LINGO1: variants seen among roughly 807,000 people sequenced by gnomAD.
The protein encoded by LINGO1 is leucine rich repeat and Ig domain containing 1, also known as leucine-rich repeat and immunoglobulin-like domain-containing nogo receptor-interacting protein 1.
In LINGO1, 11 loss-of-function variants were observed where a neutral mutation model predicts 37.3. That is an observed-to-expected ratio of 0.29 (90% CI 0.19 to 0.49). LINGO1 has a LOEUF of 0.49. Ranked by LOEUF, LINGO1 falls within the 20% of genes least tolerant of loss-of-function variation. The pLI is 0.99. For synonymous variants in LINGO1, 387 were observed against 403.0 expected (o/e 0.96, Z 0.48); for missense variants, 585 against 878.2 (o/e 0.67, Z 4.22).
intron 1 of LINGO1, among the ~76,000 whole-genome samples, chr15:77,621,534 C>T (rs1053919435): frequency 6.6e-6 from 1 of 152,178 alleles, no homozygotes; most frequent in Non-Finnish European, 1.5e-5. Flanking sequence ...CCAAGAGCTG[C>T]CTGGTGCGAC....
intron 1 of LINGO1, among the ~76,000 whole-genome samples, chr15:77,631,674 G>C (rs2074257967): frequency 6.6e-6 from 1 of 152,242 alleles, no homozygotes; most frequent in Non-Finnish European, 1.5e-5. Context: ...GGCAAGAGGA[G>C]GTGAGAAGCC....
upstream of LINGO1, among the ~76,000 whole-genome samples, chr15:77,638,635 C>T (rs936606091): frequency 2.6e-5 from 4 of 152,162 alleles, no homozygotes; most frequent in African/African-American, 7.2e-5. Context: ...TAACTTAAGT[C>T]GGAGCCTGTT....
chr15:77,738,410 C>A (rs146176961), intron 1 of LINGO1, among the ~76,000 whole-genome samples: 1 of 152,284 alleles, frequency 6.6e-6, no homozygotes, highest in African/African-American at 2.4e-5. Context: ...CCTTCCCACA[C>A]GGGCCAGTCT....
intron 1 of LINGO1, among the ~76,000 whole-genome samples, chr15:77,750,611 C>T (rs2076361627): frequency 6.6e-6 from 1 of 152,230 alleles, no homozygotes; most frequent in South Asian, 2.1e-4. Flanking sequence ...CACCCAACCC[C>T]TTCCAGAAGA....
intron 1 of LINGO1, among the ~76,000 whole-genome samples, chr15:77,801,780 G>A (rs1265569886): frequency 6.6e-6 from 1 of 152,158 alleles, no homozygotes; most frequent in Non-Finnish European, 1.5e-5. Context: ...AGCTCAGCTG[G>A]AGACTGTGGA....
At chr15:77,726,126 G>T (rs1201120224) in intron 2 of LINGO1, among the ~76,000 whole-genome samples, 1 of 152,218 alleles carries the variant, frequency 6.6e-6, no homozygotes, top group Non-Finnish European at 1.5e-5. Flanking sequence ...GCCCTAAGCT[G>T]CCCCACTGAG....
At chr15:77,634,309 C>T (rs1256899843), upstream of LINGO1, 1 of 456,110 alleles carries the variant, frequency 2.2e-6, no homozygotes, top group African/African-American at 2.0e-5. Context: ...CTGGGTACTT[C>T]TCAGTCTCTC....
In LINGO1 at chr15:77,799,725, C is replaced by T. The variant is rs561846202; in HGVS notation, c.-457-3672G>A. Among the ~76,000 whole-genome samples the T allele has an allele frequency of 1.1e-4, 16 of 152,300 alleles. No individual in the cohort carries two copies. The South Asian group carries it at 3.1e-3, about 30-fold the overall frequency. On this transcript the variant is annotated intron_variant, in intron 1 of 5. Coordinates refer to the LINGO1 transcript ENST00000562933. ...TGAGCCCTGCTGGCCACCATTCTGA[C>T]GGAAGGAACACAAGTCCCTATCTCT...
At chr15:77,809,765 C>A (rs2076988204) in intron 1 of LINGO1, among the ~76,000 whole-genome samples, 1 of 152,214 alleles carries the variant, frequency 6.6e-6, no homozygotes, top group Non-Finnish European at 1.5e-5. Context: ...CAGAGGACGC[C>A]CAGCCCCTGC....
chr15:77,705,206 C>CACACACACACACACACACACACA (rs57434698), intron 2 of LINGO1, among the ~76,000 whole-genome samples: 28 of 149,070 alleles, frequency 1.9e-4, no homozygotes, highest in East Asian at 3.9e-4. Context: ...CACACACACA[C>CACACACACACACACACACACACA]CAGTCCACTT....
intron 2 of LINGO1, among the ~76,000 whole-genome samples, chr15:77,678,336 TC>T (rs1462734875): frequency 2.6e-5 from 4 of 152,124 alleles, no homozygotes; most frequent in Non-Finnish European, 4.4e-5. Flanking sequence ...TGTAGTCAAC[TC>T]CTCCCAGCCC....
At chr15:77,799,795 GTT>G (rs1165048611) in intron 1 of LINGO1, among the ~76,000 whole-genome samples, 1 of 147,690 alleles carries the variant, frequency 6.8e-6, no homozygotes, top group African/African-American at 2.6e-5. Flanking sequence ...GGTGGGTTTT[GTT>G]TTGTTTTCTT....
chr15:77,715,219 G>A (rs1031388615), intron 2 of LINGO1, among the ~76,000 whole-genome samples: 2 of 152,180 alleles, frequency 1.3e-5, no homozygotes, highest in African/African-American at 4.8e-5. Context: ...ACATCCATGG[G>A]GCGCTAGGAG....
intron 1 of LINGO1, among the ~76,000 whole-genome samples, chr15:77,785,641 A>G (rs1187944209): frequency 6.6e-6 from 1 of 152,014 alleles, no homozygotes; most frequent in African/African-American, 2.4e-5. Flanking sequence ...GCTCTCAGAC[A>G]GCTCATGCCC....
intron 2 of LINGO1, chr15:77,707,267 G>A: frequency 6.6e-6 from 1 of 152,234 alleles, no homozygotes; most frequent in Admixed American, 6.5e-5. Context: ...CCCACATTAG[G>A]CAGAGAGGAG....
intron 3 of LINGO1, among the ~76,000 whole-genome samples, chr15:77,675,707 T>C (rs1336308667): frequency 1.3e-5 from 2 of 152,024 alleles, no homozygotes; most frequent in Non-Finnish European, 2.9e-5. Context: ...GATGAATAGA[T>C]AGATAGATAC....
At chr15:77,791,435 T>G (rs77711659), upstream of LINGO1, among the ~76,000 whole-genome samples, 567 of 152,044 alleles carry the variant, frequency 3.7e-3, 17 homozygotes, top group East Asian at 0.048. Context: ...TGCTGGTGGT[T>G]AAGAAAGCAT....
chr15:77,619,475 A>T (rs1304249501), intron 1 of LINGO1, among the ~76,000 whole-genome samples: 1 of 152,110 alleles, frequency 6.6e-6, no homozygotes, highest in Non-Finnish European at 1.5e-5. Flanking sequence ...ACCTGAAGCC[A>T]GGAGCTCAAG....
chr15:77,726,294 A>G (rs1354846552), intron 2 of LINGO1, among the ~76,000 whole-genome samples: 1 of 152,202 alleles, frequency 6.6e-6, no homozygotes, highest in African/African-American at 2.4e-5. Flanking sequence ...GAGATGGGTG[A>G]GGAAGAAGCC....
Sources: gnomAD v4.1 joint callset for allele counts (sites outside exome capture counted in the v4.1 genomes callset) on GRCh38, gnomAD v4.1.1 for gene constraint, MANE v1.5 for transcripts, NCBI Gene and HGNC (gene_info 2026-07-23, HGNC 2026-07-21) for gene names.